The following ZNF71 variants were observed in gnomAD, a reference collection of about 807,000 sequenced individuals.
ZNF71 encodes the protein endothelial zinc finger protein induced by tumor necrosis factor alpha.
In ZNF71, 3 loss-of-function variants were observed where a neutral mutation model predicts 6.7. The ratio of observed to expected loss-of-function variants is 0.45; its 90% CI spans 0.20 to 1.16. The LOEUF (loss-of-function observed/expected upper bound fraction) is 1.16, where lower values mean the gene tolerates loss of function less well. Ranked by LOEUF, ZNF71 falls within the 50% of genes most tolerant of loss-of-function variation. ZNF71 has a pLI of 0.25. For missense variants in ZNF71, 688 were observed against 728.6 expected (o/e 0.94, Z 0.64); for synonymous variants, 343 against 311.1 (o/e 1.10, Z -1.08).
chr19:56,597,505 G>T (rs1454925788), intron 1 of ZNF71, among the ~76,000 whole-genome samples: 2 of 152,220 alleles, frequency 1.3e-5, no homozygotes, highest in African/African-American at 4.8e-5. Flanking sequence ...ATGCTGTACA[G>T]ATGTGTCCAC....
At position 56,617,116 on chromosome 19, in the gene ZNF71, T is replaced by TGTTTTG. The variant is rs1025530376; in HGVS notation, c.160+3178_160+3179insGTTTTG. Among the ~76,000 whole-genome samples, 10 of 144,680 alleles carry TGTTTTG rather than the reference T, an allele frequency of 6.9e-5. No homozygotes were observed. In the East Asian group the frequency reaches 8.5e-4, roughly 12 times the overall value. The allele number at this position is 144,680 out of a possible 152,430, so 94.9% of individuals were successfully genotyped here. A position where few individuals can be genotyped will look rare whatever the true frequency, so the allele number is the denominator to read the frequency against. Reference sequence around the variant, plus strand: ...AGGAGACTTCCATTTTCTTTTGTTTTTTTTTGTTTTTTTTGAGACAGTCTT... The same window carrying TGTTTTG: ...AGGAGACTTCCATTTTCTTTTGTTTTGTTTTGTTTTTGTTTTTTTTGAGACAGTCTT... On this transcript the variant is annotated intron_variant, in intron 3 of 3. Coordinates refer to ENST00000599599, the MANE Select transcript of ZNF71 (RefSeq NM_001370215.1).
In ZNF71 at chr19:56,601,678, C is replaced by A. The variant is rs945365605; in HGVS notation, c.33+87C>A. 11 of 868,838 alleles carry A rather than the reference C, an allele frequency of 1.3e-5. No individual in the cohort carries two copies. In the African/African-American group the frequency reaches 1.8e-4, roughly 14 times the overall value. The allele number at this position is 868,838 out of a possible 1,614,324, so 53.8% of individuals were successfully genotyped here. ...CTGCTGCTCGAACCCTCTCCAAGGC[C>A]CCCAGTCCCATCTTCTGGGGCTGTG... is the stretch of plus-strand genomic sequence containing the variant. On this transcript the variant is annotated intron_variant, in intron 2 of 3. Transcript: ENST00000599599.
intron 3 of ZNF71, among the ~76,000 whole-genome samples, chr19:56,616,074 A>AT (rs34162339): frequency 2.6e-5 from 4 of 151,934 alleles, no homozygotes; most frequent in Non-Finnish European, 5.9e-5. Flanking sequence ...CAGTTTATCA[A>AT]TTTTTTTTGG....
rs189346008 is a variant in ZNF71, at chr19:56,599,241, C to G, written c.-52-2266C>G. On this transcript the variant is annotated intron_variant, in intron 1 of 3. Coordinates refer to ENST00000599599, the MANE Select transcript of ZNF71 (RefSeq NM_001370215.1). ...CATCACGGGAGAAGCCAGGACTGAG[C>G]CAGCATGTCTCAGACTCCAAGAATT... 5.3e-5 allele frequency among the ~76,000 whole-genome samples: 8 copies of G among 152,254 alleles called. No individual in the cohort carries two copies. The East Asian group carries it at 1.5e-3, about 29-fold the overall frequency.
At chr19:56,596,664 T>C (rs1216424858) in intron 1 of ZNF71, among the ~76,000 whole-genome samples, 1 of 152,194 alleles carries the variant, frequency 6.6e-6, no homozygotes, top group Non-Finnish European at 1.5e-5. Context: ...CATTTATAGA[T>C]GTCCCAGTAA....
intron 3 of ZNF71, among the ~76,000 whole-genome samples, chr19:56,617,783 G>A (rs1439482012): frequency 6.6e-6 from 1 of 152,170 alleles, no homozygotes; most frequent in Non-Finnish European, 1.5e-5. Context: ...TCTACTGCAG[G>A]GTTTTAGCCT....
rs186242664 is a variant in ZNF71 at position 56,621,674 on chromosome 19, C to G, written c.567C>G (p.Thr189=). 2 of 1,614,174 alleles carry G rather than the reference C, an allele frequency of 1.2e-6. No individual in the cohort carries two copies. Among genetic ancestry groups the G allele is most frequent in the Non-Finnish European group, 8.5e-7 (1 of 1,180,038 alleles). The part of the protein sequence containing the change: ...KPPMPCEEKK[T]YDCSECGKAF... ...CCATGCCCTGCGAGGAGAAGAAAAC[C>G]TACGACTGCAGCGAGTGTGGCAAGG... Residue 189 remains threonine (T), a synonymous_variant, in exon 4 of 4, where the codon ACC becomes ACG. Coordinates refer to ENST00000599599, the MANE Select transcript of ZNF71 (RefSeq NM_001370215.1).
At position 56,623,934 on chromosome 19, in the gene ZNF71, A is replaced by C. The variant is rs2044887616; in HGVS notation, c.*1177A>C. On this transcript the variant is annotated 3_prime_UTR_variant, in exon 4 of 4. Transcript: ENST00000599599. Reference sequence around the variant, plus strand: ...TCTTCATACTGTTACATTGGGGATCAAGTTTCCAATATGTGAATACAGGGA... The same window carrying C: ...TCTTCATACTGTTACATTGGGGATCCAGTTTCCAATATGTGAATACAGGGA... The C allele has an allele frequency of 6.0e-6, 1 of 167,106 alleles. No homozygotes were observed. Among genetic ancestry groups the C allele is most frequent in the Admixed American group, 6.5e-5 (1 of 15,278 alleles). 10.4% of individuals were successfully genotyped at this position (167,106 alleles called of 1,614,324 possible).
At chr19:56,619,014 G>A (rs116374564) in intron 3 of ZNF71, among the ~76,000 whole-genome samples, 12,772 of 152,186 alleles carry the variant, frequency 0.084, 622 homozygotes, top group Non-Finnish European at 0.1. Context: ...AGTGGGGACC[G>A]GGAGATTTGG....
Position 56,598,668 on chromosome 19 carries a change from T to C in ZNF71, c.-52-2839T>C, listed in dbSNP as rs151272944. ...AGTGTGTAGCAGCATCCCCAGTCTC[T>C]ACCAACTAAACGCCCATAGCACTCC... On this transcript the variant is annotated intron_variant, in intron 1 of 3. Coordinates refer to ENST00000599599, the MANE Select transcript of ZNF71 (RefSeq NM_001370215.1). The surrounding 1 kb of genome is among the most constrained non-coding windows in gnomAD (Gnocchi z 4.2). Among the ~76,000 whole-genome samples the C allele has an allele frequency of 3.6e-3, 547 of 152,290 alleles. 5 individuals are homozygous for C. The highest frequency in any genetic ancestry group is 0.012 in the African/African-American group (503 of 41,558).
chr19:56,602,862 A>G (rs1295347798), intron 2 of ZNF71, among the ~76,000 whole-genome samples: 4 of 152,134 alleles, frequency 2.6e-5, no homozygotes, highest in Non-Finnish European at 5.9e-5. Flanking sequence ...GGTTTCTCCC[A>G]CTGTGGTGTC....
intron 2 of ZNF71, among the ~76,000 whole-genome samples, chr19:56,602,235 G>T (rs550219371): frequency 1.3e-5 from 2 of 152,300 alleles, no homozygotes; most frequent in African/African-American, 4.8e-5. Context: ...TGGTTTCCAA[G>T]TATTCTTTTT....
At chr19:56,595,876 TG>T (rs1464130533) in intron 1 of ZNF71, among the ~76,000 whole-genome samples, 10 of 150,914 alleles carry the variant, frequency 6.6e-5, no homozygotes, top group African/African-American at 2.4e-4. Flanking sequence ...TGTGTGTGTG[TG>T]TGTGTGTGTG....
At chr19:56,599,330 A>AT (rs36012106) in intron 1 of ZNF71, among the ~76,000 whole-genome samples, 29 of 150,964 alleles carry the variant, frequency 1.9e-4, no homozygotes, top group African/African-American at 5.9e-4. Flanking sequence ...TGGCTCACTG[A>AT]TTTTTTTTTT....
At chr19:56,617,587 G>A (rs1293566093) in intron 3 of ZNF71, among the ~76,000 whole-genome samples, 3 of 152,190 alleles carry the variant, frequency 2.0e-5, no homozygotes, top group Admixed American at 6.5e-5. Context: ...GGCTTTTGGC[G>A]AAAGTGCCCT....
chr19:56,597,021 G>C (rs79346193), intron 1 of ZNF71, among the ~76,000 whole-genome samples: 3,452 of 152,228 alleles, frequency 0.023, 68 homozygotes, highest in African/African-American at 0.053. Flanking sequence ...GATTTTTAAG[G>C]GTACTTTGCC....
rs114989633 is a variant in ZNF71 at position 56,605,931 on chromosome 19, G to A, written c.33+4340G>A. On this transcript the variant is annotated intron_variant, in intron 2 of 3. Coordinates refer to ENST00000599599, the MANE Select transcript of ZNF71 (RefSeq NM_001370215.1). The stretch of plus-strand genomic sequence containing the variant: ...TACATGGATGAGGCCATCTAATGTT[G>A]GGGCTGAGAGTTGAACTGACTAGGT... Among the ~76,000 whole-genome samples, 417 of 152,300 alleles carry A rather than the reference G, an allele frequency of 2.7e-3. 1 individual carries two copies. The highest frequency in any genetic ancestry group is 9.7e-3 in the African/African-American group (401 of 41,548).
At chr19:56,617,112 G>GTTTTTTGTT (rs1555776020) in intron 3 of ZNF71, among the ~76,000 whole-genome samples, 2 of 140,646 alleles carry the variant, frequency 1.4e-5, no homozygotes, top group African/African-American at 5.7e-5. Context: ...ATTTTCTTTT[G>GTTTTTTGTT]TTTTTTTTTG....
At position 56,613,783 on chromosome 19, in the gene ZNF71, G is replaced by A. The variant is rs1483639074; in HGVS notation, c.34-29G>A. 2.8e-6 allele frequency: 3 copies of A among 1,082,004 alleles called. No homozygotes were observed. Among genetic ancestry groups the A allele is most frequent in the Non-Finnish European group, 3.4e-6 (3 of 873,712 alleles). The allele number at this position is 1,082,004 out of a possible 1,614,324, so 67.0% of individuals were successfully genotyped here. A position where few individuals can be genotyped will look rare whatever the true frequency, so the allele number is the denominator to read the frequency against. On this transcript the variant is annotated intron_variant, in intron 2 of 3. Transcript: ENST00000599599. This position sits in a 1 kb window ranked among gnomAD's most constrained non-coding sequence, Gnocchi z 4.6. ...CACGCCTCTGTAAGGAGGGCCCTGCGATGAGCGGATGTGGGTTTCCTCTTA... is the reference window on the plus strand; with the variant it reads ...CACGCCTCTGTAAGGAGGGCCCTGCAATGAGCGGATGTGGGTTTCCTCTTA...
Sources: allele counts gnomAD v4.1 joint callset (sites outside exome capture counted in the v4.1 genomes callset), GRCh38; gene constraint gnomAD v4.1.1; non-coding constraint Gnocchi (gnomAD v3.1); transcripts MANE v1.5; gene names NCBI Gene and HGNC (gene_info 2026-07-23, HGNC 2026-07-21).